The following ANO2 variants were observed in gnomAD, a reference collection of about 807,000 sequenced individuals.
ANO2 encodes the protein anoctamin 2.
ANO2 carries 101 observed loss-of-function variants against 124.2 expected under a neutral mutation model. The observed-to-expected ratio is 0.81, with a 90% CI of 0.69 to 0.96. The LOEUF (loss-of-function observed/expected upper bound fraction) is 0.96. Among genes scored for constraint, ANO2 ranks in the 40% least tolerant of loss-of-function variants. ANO2 has a pLI of 0.00. For synonymous variants in ANO2, 486 were observed against 482.5 expected, an observed-to-expected ratio of 1.01 and a Z score of -0.09; for missense variants, 1,293 against 1,274.5, an observed-to-expected ratio of 1.01 and a Z score of -0.22.
intron 14 of ANO2, among the ~76,000 whole-genome samples, chr12:5,667,477 G>C (rs892822381): frequency 4.6e-5 from 7 of 151,608 alleles, no homozygotes; most frequent in Non-Finnish European, 1.0e-4. Flanking sequence ...TTGTATAAGT[G>C]TGAGTACAAA....
At chr12:5,766,507 CT>C (rs1343749106) in intron 10 of ANO2, among the ~76,000 whole-genome samples, 2 of 152,090 alleles carry the variant, frequency 1.3e-5, no homozygotes, top group African/African-American at 4.8e-5. Flanking sequence ...TAAAATAATT[CT>C]TGCGTTAGAA....
At chr12:5,694,936 A>G (rs1330401385) in intron 14 of ANO2, among the ~76,000 whole-genome samples, 1 of 152,018 alleles carries the variant, frequency 6.6e-6, no homozygotes, top group Non-Finnish European at 1.5e-5. Flanking sequence ...AGGGATAGTA[A>G]CTAACTCTGT....
chr12:5,891,222 AAAAG>A (rs1939370829), intron 3 of ANO2, among the ~76,000 whole-genome samples: 1 of 152,210 alleles, frequency 6.6e-6, no homozygotes, highest in Non-Finnish European at 1.5e-5. Flanking sequence ...TGGCTTTAGA[AAAAG>A]AAAGTCATCT....
intron 15 of ANO2, among the ~76,000 whole-genome samples, chr12:5,638,888 C>G (rs1231780240): frequency 2.0e-5 from 3 of 152,204 alleles, no homozygotes; most frequent in African/African-American, 7.2e-5. Context: ...CTACTTGACG[C>G]CAAGAGAGAG....
chr12:5,862,687 G>A lies in ANO2; in HGVS notation c.535-8546C>T, dbSNP rs1418892395. On this transcript the variant is annotated intron_variant, in intron 3 of 24. Transcript: ENST00000682330. This position sits in a 1 kb window ranked among gnomAD's most constrained non-coding sequence, Gnocchi z 4.0. ...TCCCACATGTTGCGGGAGGGACCTG[G>A]TGGGAGGTAACTGAATCATGGGGGC... Among the ~76,000 whole-genome samples, 1 of 152,216 alleles carries A rather than the reference G, an allele frequency of 6.6e-6. No individual in the cohort carries two copies. The highest frequency in any genetic ancestry group is 1.5e-5 in the Non-Finnish European group (1 of 68,040).
rs148527866 is a variant in ANO2 at position 5,771,641 on chromosome 12, A to G, written c.1056-20671T>C. On this transcript the variant is annotated intron_variant, in intron 10 of 24. Coordinates refer to ENST00000682330, the MANE Select transcript of ANO2 (RefSeq NM_001364791.2). The stretch of plus-strand genomic sequence containing the variant: ...CTAAAAATACAAAAATTAGCTGGGC[A>G]TGGTGGTGGGTGCCTGTAATCCCAG... 4.3e-3 allele frequency among the ~76,000 whole-genome samples: 651 copies of G among 152,178 alleles called. 2 individuals are homozygous for G. Among genetic ancestry groups the G allele is most frequent in the Non-Finnish European group, 6.6e-3 (449 of 67,994 alleles).
At chr12:5,817,084 TA>T (rs1434764038) in intron 7 of ANO2, among the ~76,000 whole-genome samples, 1 of 152,142 alleles carries the variant, frequency 6.6e-6, no homozygotes, top group Non-Finnish European at 1.5e-5. Context: ...ACACACACAA[TA>T]AAAAACCTCA....
intron 19 of ANO2, among the ~76,000 whole-genome samples, chr12:5,606,977 T>G (rs1350748958): frequency 6.6e-6 from 1 of 152,178 alleles, no homozygotes; most frequent in Non-Finnish European, 1.5e-5. Flanking sequence ...ATAAATCTTT[T>G]AATTGTAAAT....
intron 7 of ANO2, among the ~76,000 whole-genome samples, chr12:5,812,472 G>A: frequency 9.1e-6 from 1 of 109,726 alleles, no homozygotes; most frequent in South Asian, 3.6e-4. Context: ...GGAAGGAAGG[G>A]GGAGGAAGGA....
chr12:5,777,440 T>A (rs769697611), intron 10 of ANO2, among the ~76,000 whole-genome samples: 15 of 152,120 alleles, frequency 9.9e-5, no homozygotes, highest in Non-Finnish European at 2.2e-4. Context: ...AGTGTCCCCA[T>A]GTGAACTTGG....
At chr12:5,735,654 C>T (rs1950830574) in intron 13 of ANO2, among the ~76,000 whole-genome samples, 1 of 152,050 alleles carries the variant, frequency 6.6e-6, no homozygotes, top group Non-Finnish European at 1.5e-5. Context: ...CTGAAGACGG[C>T]AATGTTTTCA....
At chr12:5,805,678 G>A (rs1180252000) in intron 9 of ANO2, among the ~76,000 whole-genome samples, 1 of 152,182 alleles carries the variant, frequency 6.6e-6, no homozygotes, top group Non-Finnish European at 1.5e-5. Context: ...TCTGTTTCCT[G>A]TGGCTGTGTG....
At chr12:5,773,781 G>A (rs1952150525) in intron 10 of ANO2, among the ~76,000 whole-genome samples, 1 of 152,202 alleles carries the variant, frequency 6.6e-6, no homozygotes, top group Non-Finnish European at 1.5e-5. Flanking sequence ...CTTGGTGAGT[G>A]AGCATGGGAT....
chr12:5,828,229 G>A (rs571519559), intron 6 of ANO2, among the ~76,000 whole-genome samples: 7 of 152,122 alleles, frequency 4.6e-5, no homozygotes, highest in Non-Finnish European at 1.0e-4. Flanking sequence ...CAGGGAAGGC[G>A]GGGTTCTGTC....
chr12:5,804,775 C>T (rs1230477880), intron 9 of ANO2, among the ~76,000 whole-genome samples: 1 of 152,128 alleles, frequency 6.6e-6, no homozygotes, highest in Non-Finnish European at 1.5e-5. Context: ...TTTACTTCTT[C>T]CATTAGTGCA....
At chr12:5,800,625 T>C (rs577603774) in intron 9 of ANO2, among the ~76,000 whole-genome samples, 1 of 152,270 alleles carries the variant, frequency 6.6e-6, no homozygotes, top group East Asian at 1.9e-4. Context: ...GGATGTGGGA[T>C]GAGAATAAAT....
At chr12:5,798,612 T>A (rs1952944307) in intron 10 of ANO2, among the ~76,000 whole-genome samples, 1 of 152,168 alleles carries the variant, frequency 6.6e-6, no homozygotes, top group South Asian at 2.1e-4. Context: ...AGCAGCCTCC[T>A]CCTGCAGGCT....
chr12:5,652,704 G>A (rs1946969898), intron 14 of ANO2, among the ~76,000 whole-genome samples: 1 of 152,040 alleles, frequency 6.6e-6, no homozygotes, highest in Non-Finnish European at 1.5e-5. Context: ...TTAGACTGAA[G>A]TTATGCATTT....
chr12:5,673,456 T>C (rs1452487700), intron 14 of ANO2, among the ~76,000 whole-genome samples: 2 of 152,242 alleles, frequency 1.3e-5, no homozygotes, highest in Admixed American at 1.3e-4. Flanking sequence ...CAATCTTGCA[T>C]ATAGCACTCA....
Sources: allele counts gnomAD v4.1 joint callset (sites outside exome capture counted in the v4.1 genomes callset), GRCh38; gene constraint gnomAD v4.1.1; non-coding constraint Gnocchi (gnomAD v3.1); transcripts MANE v1.5; gene names NCBI Gene and HGNC (gene_info 2026-07-23, HGNC 2026-07-21).